Variants in ANKEF1 observed in about 807,000 individuals in gnomAD.
The protein encoded by ANKEF1 is ankyrin repeat and EF-hand domain containing 1, also known as ankyrin repeat and EF-hand domain-containing protein 1.
ANKEF1 carries 43 observed loss-of-function variants against 65.1 expected under a neutral mutation model. The observed-to-expected ratio is 0.66, with a 90% CI of 0.52 to 0.85. ANKEF1 has a LOEUF of 0.85. Ranked by LOEUF, ANKEF1 falls within the 40% of genes least tolerant of loss-of-function variation. The pLI, the probability that ANKEF1 is intolerant of heterozygous loss-of-function variation, is 0.00. For missense variants in ANKEF1, 934 were observed against 952.9 expected (o/e 0.98, Z 0.26); for synonymous variants, 316 against 341.5 (o/e 0.93, Z 0.82).
intron 3 of ANKEF1, chr20:10,040,492 C>G (rs1984119493): frequency 6.6e-6 from 1 of 152,222 alleles, no homozygotes; most frequent in South Asian, 2.1e-4. Flanking sequence ...AGGTAAAGCT[C>G]TAAGCCAATA....
chr20:10,051,279 G>A (rs1261407075), intron 7 of ANKEF1, among the ~76,000 whole-genome samples: 1 of 151,996 alleles, frequency 6.6e-6, no homozygotes, highest in East Asian at 1.9e-4. Context: ...TTCTAAAAAG[G>A]ACTAAAATGT....
In ANKEF1 at chr20:10,050,161, C is replaced by G. The variant is rs753197232; in HGVS notation, c.1592C>G (p.Thr531Arg). The change falls in exon 7 of 11, where the codon ACG becomes AGG. Residue 531 changes from threonine to arginine, a missense_variant. Transcript: ENST00000378392. ...AATTATTACAAAACTCCGCTAATGACGGCGTGTGCAAGTGGAAACATAGAT... is the reference window on the plus strand; with the variant it reads ...AATTATTACAAAACTCCGCTAATGAGGGCGTGTGCAAGTGGAAACATAGAT... ...KDNYYKTPLM[T>R]ACASGNIDVV... 6.2e-7 allele frequency: 1 copy of G among 1,613,998 alleles called. No individual in the cohort carries two copies. The highest frequency in any genetic ancestry group is 2.2e-5 in the East Asian group (1 of 44,872).
At chr20:10,039,663 G>T (rs1052768927) in intron 3 of ANKEF1, among the ~76,000 whole-genome samples, 3 of 152,152 alleles carry the variant, frequency 2.0e-5, no homozygotes, top group Admixed American at 2.0e-4. Flanking sequence ...TCCTCTCAAA[G>T]CTCTATAGTA....
chr20:10,054,098 A>T (rs1247170490), intron 9 of ANKEF1, among the ~76,000 whole-genome samples: 1 of 152,138 alleles, frequency 6.6e-6, no homozygotes, highest in Non-Finnish European at 1.5e-5. Flanking sequence ...AGTAGATAGG[A>T]TGAAGGGATT....
rs1313045968 is a variant in ANKEF1 at position 10,050,208 on chromosome 20, A to G, written c.1639A>G (p.Lys547Glu). The G allele has an allele frequency of 6.2e-7, 1 of 1,604,996 alleles. No homozygotes were observed. The highest frequency in any genetic ancestry group is 2.2e-5 in the East Asian group (1 of 44,756). The change falls in exon 7 of 11, where the codon AAA (lysine) becomes GAA (glutamate). Residue 547 changes from lysine (K) to glutamate (E), a missense_variant. Physicochemically the swap from Lys to Glu is moderately conservative, Grantham distance 56. Coordinates refer to ENST00000378392, the MANE Select transcript of ANKEF1 (RefSeq NM_022096.6). ...NIDVVKFLLE[K>E]GANVNATDNF... ...AGATGTGGTCAAGTTTCTTCTTGAA[A>G]AAGGGTACGCGTCTCCGTCGGGTGT...
rs553064626 is a variant in ANKEF1 at position 10,035,076 on chromosome 20, G to A, written c.-366G>A. ...CCGCCCCCTGCGCTCACCTGCCCGC[G>A]CGCTCGCCTTCCGGGGACCCGGGGC... On this transcript the variant is annotated 5_prime_UTR_variant, in exon 1 of 11. Transcript: ENST00000378392. 9.7e-5 allele frequency: 15 copies of A among 154,104 alleles called. No individual in the cohort carries two copies. The highest frequency in any genetic ancestry group is 3.1e-4 in the African/African-American group (13 of 41,608). 9.5% of individuals were successfully genotyped at this position (154,104 alleles called of 1,614,324 possible). A position where few individuals can be genotyped will look rare whatever the true frequency, so the allele number is the denominator to read the frequency against.
In ANKEF1 at chr20:10,045,630, G is replaced by A; in HGVS notation, c.753G>A (p.Gly251=). 6.2e-7 allele frequency: 1 copy of A among 1,613,722 alleles called. No individual in the cohort carries two copies. The change falls in exon 6 of 11, where the codon GGG becomes GGA. Residue 251 remains glycine (G), a synonymous_variant. Transcript: ENST00000378392. The part of the protein sequence containing the change: ...NGDVGLISIN[G]NTPLHYAAMG... ...ACGTGGGGCTGATTTCGATAAATGG[G>A]AACACACCACTTCATTATGCTGCCA...
intron 6 of ANKEF1, among the ~76,000 whole-genome samples, chr20:10,047,989 G>C (rs1482171959): frequency 1.3e-5 from 2 of 152,168 alleles, no homozygotes; most frequent in Non-Finnish European, 2.9e-5. Flanking sequence ...GGCTTGAGAG[G>C]TGGGATCAAA....
chr20:10,050,216 C>T lies in ANKEF1; in HGVS notation c.1643+4C>T, dbSNP rs767216875. On this transcript the variant is annotated splice_donor_region_variant and intron_variant, in intron 7 of 10. Transcript: ENST00000378392. ...TCAAGTTTCTTCTTGAAAAAGGGTA[C>T]GCGTCTCCGTCGGGTGTGGCCTAAA... The T allele has an allele frequency of 1.4e-5, 22 of 1,594,884 alleles. No individual in the cohort carries two copies. The Admixed American group carries it at 1.9e-4, about 14-fold the overall frequency.
Position 10,057,511 on chromosome 20 carries a change from T to A in ANKEF1, c.*1851T>A, listed in dbSNP as rs1985237913. The A allele has an allele frequency of 6.6e-6, 1 of 152,218 alleles. No homozygotes were observed. Among genetic ancestry groups the A allele is most frequent in the African/African-American group, 2.4e-5 (1 of 41,462 alleles). The allele number at this position is 152,218 out of a possible 1,614,324, so 9.4% of individuals were successfully genotyped here. On this transcript the variant is annotated 3_prime_UTR_variant, in exon 11 of 11. Transcript: ENST00000378392. ...CCTAAATGTTAACCACTTACCACAT[T>A]TGCTCTATCTCTTTCTCCCTCTACA...
chr20:10,046,268 C>G (rs1479640092), intron 6 of ANKEF1, among the ~76,000 whole-genome samples: 1 of 152,162 alleles, frequency 6.6e-6, no homozygotes, highest in African/African-American at 2.4e-5. Context: ...AAAAAACTTA[C>G]AGTTGATTAA....
chr20:10,049,701 A>G lies in ANKEF1; in HGVS notation c.1132A>G (p.Ile378Val), dbSNP rs1289074129. The change falls in exon 7 of 11, where the codon ATC becomes GTC. Residue 378 changes from isoleucine (I) to valine (V), a missense_variant. Physicochemically the swap from Ile to Val is conservative, Grantham distance 29. Coordinates refer to ENST00000378392, the MANE Select transcript of ANKEF1 (RefSeq NM_022096.6). ...DYASSEQLAAIAHLHEKTRGG... is the reference protein window; with the variant it reads ...DYASSEQLAAVAHLHEKTRGG... ...TGCAAGCTCAGAACAGCTGGCTGCC[A>G]TCGCTCACCTTCATGAGAAAACCCG... 1.2e-6 allele frequency: 2 copies of G among 1,614,180 alleles called. No individual in the cohort carries two copies. The highest frequency in any genetic ancestry group is 1.1e-5 in the South Asian group (1 of 91,082).
intron 7 of ANKEF1, 50 bp from the exon 8 acceptor site, chr20:10,051,613 A>T: frequency 7.2e-7 from 1 of 1,392,254 alleles, no homozygotes; most frequent in Non-Finnish European, 1.0e-6. Context: ...TTTAGTGTCC[A>T]GTCATTGGAA....
rs750618563 is a variant in ANKEF1 at position 10,049,869 on chromosome 20, C to G, written c.1300C>G (p.Pro434Ala). Residue 434 changes from proline to alanine, a missense_variant, in exon 7 of 11, where the codon CCA (proline) becomes GCA (alanine). Pro to Ala is a conservative substitution (Grantham distance 27). Coordinates refer to ENST00000378392, the MANE Select transcript of ANKEF1 (RefSeq NM_022096.6). ...GAAAGGGAAATTTGTCTTACCCCTT[C>G]CAATCTGTGTCATTCCTGAGTACGC... Reference protein sequence around the residue: ...GKKGKFVLPLPICVIPEYAFP... With the variant: ...GKKGKFVLPLAICVIPEYAFP... The G allele has an allele frequency of 3.1e-6, 5 of 1,614,182 alleles. No homozygotes were observed. In the South Asian group the frequency reaches 4.4e-5, roughly 14 times the overall value.
At chr20:10,045,729 T>G (rs1329894666) in intron 6 of ANKEF1, 32 bp downstream of exon 6, 7 of 1,610,448 alleles carry the variant, frequency 4.3e-6, no homozygotes, top group Non-Finnish European at 5.9e-6. Flanking sequence ...GTGCTTCAAG[T>G]ACTTATGATT....
At chr20:10,037,443 A>G (rs912110051) in intron 2 of ANKEF1, among the ~76,000 whole-genome samples, 2 of 152,086 alleles carry the variant, frequency 1.3e-5, no homozygotes, top group African/African-American at 2.4e-5. Flanking sequence ...TTATGCACAT[A>G]TGCTTGAGCT....
At chr20:10,040,175 C>T (rs1226572158) in intron 3 of ANKEF1, among the ~76,000 whole-genome samples, 1 of 152,310 alleles carries the variant, frequency 6.6e-6, no homozygotes, top group East Asian at 1.9e-4. Context: ...CTGCCTGCAG[C>T]CCTCACTCTG....
At chr20:10,041,074 A>G (rs1984157742) in intron 3 of ANKEF1, among the ~76,000 whole-genome samples, 1 of 151,644 alleles carries the variant, frequency 6.6e-6, no homozygotes, top group Admixed American at 6.6e-5. Context: ...GGTGGAATTT[A>G]TCCAATTTAT....
In ANKEF1 at chr20:10,044,566, A is replaced by T. The variant is rs769993168; in HGVS notation, c.696+23A>T. ...GATGTAATAATCTATTCTTTGCTTT[A>T]AAATTTGTTGCTAAAACTTTTCTGT... On this transcript the variant is annotated intron_variant, in intron 5 of 10. Transcript: ENST00000378392. 6 of 1,609,692 alleles carry T rather than the reference A, an allele frequency of 3.7e-6. No homozygotes were observed. The Admixed American group carries it at 1.0e-4, about 27-fold the overall frequency.
Sources: allele counts gnomAD v4.1 joint callset (sites outside exome capture counted in the v4.1 genomes callset), GRCh38; gene constraint gnomAD v4.1.1; transcripts MANE v1.5; gene names NCBI Gene and HGNC (gene_info 2026-07-23, HGNC 2026-07-21).